The following CSPP1 variants were observed in gnomAD, a reference collection of about 807,000 sequenced individuals.
CSPP1 encodes centrosome and spindle pole associated protein 1.
In CSPP1, 126 loss-of-function variants were observed where a neutral mutation model predicts 164.4. That is an observed-to-expected ratio of 0.77 (90% CI 0.66 to 0.89). CSPP1 has a LOEUF of 0.89. Ranked by LOEUF, CSPP1 falls within the 40% of genes least tolerant of loss-of-function variation. The pLI is 0.00. For missense variants in CSPP1, 1,395 were observed against 1,449.8 expected (o/e 0.96, Z 0.61); for synonymous variants, 472 against 476.7 (o/e 0.99, Z 0.13).
chr8:67,102,991 G>T, intron 7 of CSPP1, 46 bp from the exon 8 acceptor site: 1 of 1,088,762 alleles, frequency 9.2e-7, no homozygotes, highest in Non-Finnish European at 1.4e-6. Context: ...TTATAAGAAG[G>T]TCCACTGTAT....
chr8:67,118,265 C>T lies in CSPP1; in HGVS notation c.1514C>T (p.Pro505Leu). 6.2e-7 allele frequency: 1 copy of T among 1,613,520 alleles called. No homozygotes were observed. Among genetic ancestry groups the T allele is most frequent in the South Asian group, 1.1e-5 (1 of 91,054 alleles). Residue 505 changes from proline to leucine, a missense_variant, in exon 14 of 31, where the codon CCA becomes CTA. Transcript: ENST00000678616. ...MVSPRIAPLP[P>L]PPLLPPLATN... is the part of the protein sequence containing the mutation. ...TCATACAGGATTGCACCTCTGCCTC[C>T]ACCTCCCCTACTACCACCTTTGGCT... is the stretch of plus-strand genomic sequence containing the variant.
chr8:67,083,720 G>A (rs186343860), intron 3 of CSPP1: 10 of 151,702 alleles, frequency 6.6e-5, no homozygotes, highest in African/African-American at 2.4e-4. Context: ...CTTGTTCCTG[G>A]ATGGGCAGGT....
chr8:67,190,572 T>C, intron 28 of CSPP1, 78 bp from the exon 29 acceptor site: 1 of 1,056,462 alleles, frequency 9.5e-7, no homozygotes, highest in Non-Finnish European at 1.5e-6. Flanking sequence ...ATCTTAGTAA[T>C]TAAAAGGCTC....
intron 17 of CSPP1, 51 bp from the exon 18 acceptor site, chr8:67,149,732 C>G (rs987002872): frequency 7.8e-7 from 1 of 1,278,294 alleles, no homozygotes; most frequent in Non-Finnish European, 1.0e-6. Flanking sequence ...TTTTGCATGC[C>G]AATTACAGAA....
At chr8:67,092,588 C>T (rs1367029853) in intron 5 of CSPP1, among the ~76,000 whole-genome samples, 1 of 152,044 alleles carries the variant, frequency 6.6e-6, no homozygotes, top group African/African-American at 2.4e-5. Context: ...GGATTACAGG[C>T]CCCTGCCACC....
In CSPP1 at chr8:67,172,433, C is replaced by T. The variant is rs778528227; in HGVS notation, c.2846C>T (p.Pro949Leu). The T allele has an allele frequency of 1.9e-6, 3 of 1,612,560 alleles. No homozygotes were observed. The highest frequency in any genetic ancestry group is 2.2e-5 in the East Asian group (1 of 44,852). ...EIPIRKKERN[P>L]MDIFDMARHR... ...ATCTATAGGAAAAAGGAAAGGAATC[C>T]CATGGATATATTTGATATGGCTAGA... Residue 949 changes from proline (P) to leucine (L), a missense_variant, in exon 25 of 31, where the codon CCC becomes CTC. Pro to Leu is a moderately conservative substitution (Grantham distance 98). Transcript: ENST00000678616.
intron 3 of CSPP1, chr8:67,083,551 ATAT>A (rs1563509282): frequency 7.6e-4 from 76 of 99,906 alleles, no homozygotes; most frequent in African/African-American, 2.6e-3. Context: ...AAAAAAAAAT[ATAT>A]ATATATATAT....
At chr8:67,139,187 T>TG (rs1465205950) in intron 17 of CSPP1, among the ~76,000 whole-genome samples, 1 of 152,188 alleles carries the variant, frequency 6.6e-6, no homozygotes, top group Non-Finnish European at 1.5e-5. Context: ...GCAAAGGATA[T>TG]GAACAGACAC....
At chr8:67,127,365 A>T in intron 15 of CSPP1, among the ~76,000 whole-genome samples, 1 of 152,118 alleles carries the variant, frequency 6.6e-6, no homozygotes, top group East Asian at 1.9e-4. Context: ...TTGTCATTGT[A>T]TCCTCACATG....
At chr8:67,132,230 T>C (rs953580686) in intron 16 of CSPP1, 150 bp downstream of exon 16, 7 of 774,150 alleles carry the variant, frequency 9.0e-6, no homozygotes, top group Non-Finnish European at 1.4e-5. Context: ...TAAAACGCTG[T>C]TGGAAGCATA....
chr8:67,122,190 AT>A (rs58782272), intron 15 of CSPP1, among the ~76,000 whole-genome samples: 1,770 of 142,936 alleles, frequency 0.012, 29 homozygotes, highest in African/African-American at 0.039. Flanking sequence ...GGTTTGGTTG[AT>A]TTTTTTTTTT....
rs1012697363 is a variant in CSPP1 at position 67,173,697 on chromosome 8, T to C, written c.2968+1142T>C. 3 of 152,010 alleles carry C rather than the reference T, an allele frequency of 2.0e-5. 1 individual carries two copies. The highest frequency in any genetic ancestry group is 2.0e-4 in the Admixed American group (3 of 15,274). 9.4% of individuals were successfully genotyped at this position (152,010 alleles called of 1,614,324 possible). A position where few individuals can be genotyped will look rare whatever the true frequency, so the allele number is the denominator to read the frequency against. ...AAATTGTGTTATTTATTTAATTTTCTCTATTGTTTTTCACCTAGATTTACA... is the reference window on the plus strand; with the variant it reads ...AAATTGTGTTATTTATTTAATTTTCCCTATTGTTTTTCACCTAGATTTACA... On this transcript the variant is annotated intron_variant, in intron 25 of 30. Transcript: ENST00000678616.
In CSPP1 at chr8:67,105,885, C is replaced by T; in HGVS notation, c.1023-20C>T. 7.2e-7 allele frequency: 1 copy of T among 1,384,768 alleles called. No homozygotes were observed. Among genetic ancestry groups the T allele is most frequent in the Non-Finnish European group, 1.0e-6 (1 of 975,152 alleles). 85.8% of individuals were successfully genotyped at this position (1,384,768 alleles called of 1,614,324 possible). A position where few individuals can be genotyped will look rare whatever the true frequency, so the allele number is the denominator to read the frequency against. The stretch of plus-strand genomic sequence containing the variant: ...ATCTGGATTTTAATTTACTCTTTTT[C>T]TCTGTCTTTTTTTCTTTAGTGCTCC... On this transcript the variant is annotated intron_variant, in intron 8 of 30. Transcript: ENST00000678616.
intron 13 of CSPP1, among the ~76,000 whole-genome samples, chr8:67,117,254 G>A (rs1035986342): frequency 2.6e-5 from 4 of 152,146 alleles, no homozygotes; most frequent in Non-Finnish European, 5.9e-5. Flanking sequence ...TTTGTTGTGA[G>A]GATGGTATAA....
At chr8:67,190,399 CA>C (rs1835885292) in intron 28 of CSPP1, among the ~76,000 whole-genome samples, 2 of 151,874 alleles carry the variant, frequency 1.3e-5, no homozygotes, top group African/African-American at 4.8e-5. Context: ...TGCCCGGGGC[CA>C]GCAGGTGGGG....
intron 23 of CSPP1, 104 bp from the exon 24 acceptor site, chr8:67,164,287 C>G: frequency 1.6e-6 from 1 of 616,232 alleles, no homozygotes; most frequent in Non-Finnish European, 2.9e-6. Flanking sequence ...ATAAAATTGT[C>G]TCTCTGAGCA....
chr8:67,075,150 T>G (rs573933231), intron 2 of CSPP1, among the ~76,000 whole-genome samples: 1 of 152,322 alleles, frequency 6.6e-6, no homozygotes, highest in South Asian at 2.1e-4. Flanking sequence ...TGAAACTGAT[T>G]TATCCATTTA....
chr8:67,127,752 C>T (rs890900600), intron 15 of CSPP1, among the ~76,000 whole-genome samples: 1 of 152,176 alleles, frequency 6.6e-6, no homozygotes, highest in South Asian at 2.1e-4. Flanking sequence ...TATAGTTAAT[C>T]CTAATTCCCA....
At chr8:67,122,159 C>G (rs1413215514) in intron 15 of CSPP1, among the ~76,000 whole-genome samples, 2 of 150,418 alleles carry the variant, frequency 1.3e-5, no homozygotes, top group African/African-American at 4.9e-5. Flanking sequence ...TCTTGTTGAT[C>G]TTTTCAAATA....
Sources: gnomAD v4.1 joint callset for allele counts (sites outside exome capture counted in the v4.1 genomes callset) on GRCh38, gnomAD v4.1.1 for gene constraint, MANE v1.5 for transcripts, NCBI Gene and HGNC (gene_info 2026-07-23, HGNC 2026-07-21) for gene names.